FAM50B: variants seen among roughly 807,000 people sequenced by gnomAD.
FAM50B encodes family with sequence similarity 50 member B.
A neutral mutation model predicts 25.4 loss-of-function variants in FAM50B; 9 were observed. The observed-to-expected ratio is 0.35, with a 90% CI of 0.21 to 0.62. FAM50B has a LOEUF of 0.62. Among genes scored for constraint, FAM50B ranks in the 20% least tolerant of loss-of-function variants. FAM50B has a pLI of 0.73. For synonymous variants in FAM50B, 212 were observed against 204.3 expected (o/e 1.04, Z -0.32); for missense variants, 372 against 477.9 (o/e 0.78, Z 2.07).
the FAM50B span, among the ~76,000 whole-genome samples, chr6:3,840,053 C>A: frequency 1.3e-5 from 2 of 151,656 alleles, no homozygotes; most frequent in Middle Eastern, 3.4e-3. Flanking sequence ...AGTGCAGTGG[C>A]GCGATCTCGG....
rs1285685589 is a variant in FAM50B, at chr6:3,851,195, C to G, written c.*406C>G. 1 of 210,194 alleles carries G rather than the reference C, an allele frequency of 4.8e-6. No individual in the cohort carries two copies. The highest frequency in any genetic ancestry group is 1.1e-5 in the Non-Finnish European group (1 of 94,840). 13.0% of individuals were successfully genotyped at this position (210,194 alleles called of 1,614,324 possible). On this transcript the variant is annotated 3_prime_UTR_variant, in exon 2 of 2. Transcript: ENST00000648326. ...GGGTAAGCTTATTAAACCCCCATGC[C>G]TCAGTTTGGTCACCTGTAAAAGGAA...
chr6:3,834,710 TTAACAA>T, the FAM50B span, among the ~76,000 whole-genome samples: 889 of 152,180 alleles, frequency 5.8e-3, 7 homozygotes, highest in African/African-American at 0.021. Context: ...AAACAAATGT[TTAACAA>T]TAAAAAACTG....
At chr6:3,836,127 G>A in the FAM50B span, among the ~76,000 whole-genome samples, 1 of 152,104 alleles carries the variant, frequency 6.6e-6, no homozygotes, top group Non-Finnish European at 1.5e-5. Flanking sequence ...GCCAGACCCT[G>A]CAGCAGAAAA....
chr6:3,839,986 G>GTTGTTGT, the FAM50B span, among the ~76,000 whole-genome samples: 1 of 147,606 alleles, frequency 6.8e-6, no homozygotes, highest in Non-Finnish European at 1.5e-5. Context: ...TGTTGTTGTT[G>GTTGTTGT]TTGTTTGTTT....
At chr6:3,836,912 A>G in the FAM50B span, among the ~76,000 whole-genome samples, 2 of 152,188 alleles carry the variant, frequency 1.3e-5, no homozygotes, top group African/African-American at 4.8e-5. Flanking sequence ...GAAGGGTAAT[A>G]ATCCTCTGCC....
chr6:3,850,115 G>C lies in FAM50B; in HGVS notation c.304G>C (p.Glu102Gln). The change falls in exon 2 of 2, where the codon GAG becomes CAG. Residue 102 changes from glutamate (E) to glutamine (Q), a missense_variant. By Grantham distance (29) the Glu-to-Gln change is conservative. Coordinates refer to ENST00000648326, the MANE Select transcript of FAM50B (RefSeq NM_012135.3). Reference sequence around the variant, plus strand: ...CCTGGAGGAGCAGCGGCTGCAGCAGGAGCGGCAGCGGGAGCAGGAGCAGCG... The same window carrying C: ...CCTGGAGGAGCAGCGGCTGCAGCAGCAGCGGCAGCGGGAGCAGGAGCAGCG... ...QHLEEQRLQQ[E>Q]RQREQEQRRE... 6.2e-7 allele frequency: 1 copy of C among 1,609,684 alleles called. No individual in the cohort carries two copies. Among genetic ancestry groups the C allele is most frequent in the Non-Finnish European group, 8.5e-7 (1 of 1,178,490 alleles).
the FAM50B span, among the ~76,000 whole-genome samples, chr6:3,834,768 C>T: frequency 5.9e-5 from 9 of 152,046 alleles, no homozygotes; most frequent in Non-Finnish European, 7.4e-5. Flanking sequence ...AAATATATAT[C>T]GGAACCATTA....
At chr6:3,846,136 G>C (rs1762118770), upstream of FAM50B, among the ~76,000 whole-genome samples, 2 of 152,100 alleles carry the variant, frequency 1.3e-5, no homozygotes, top group Admixed American at 6.6e-5. Flanking sequence ...TGTTACAAGG[G>C]AAGTTGGAGT....
the FAM50B span, among the ~76,000 whole-genome samples, chr6:3,837,314 A>G: frequency 2.0e-5 from 3 of 152,248 alleles, no homozygotes; most frequent in Non-Finnish European, 4.4e-5. Flanking sequence ...ATTATTGCAA[A>G]TCACATGCCT....
At chr6:3,832,160 T>C in the FAM50B span, 10 of 152,326 alleles carry the variant, frequency 6.6e-5, no homozygotes, top group African/African-American at 2.4e-4. Flanking sequence ...GTAATGAACC[T>C]TTCAGTAAAA....
At position 3,850,655 on chromosome 6, in the gene FAM50B, A is replaced by G. The variant is rs1762204772; in HGVS notation, c.844A>G (p.Met282Val). The change falls in exon 2 of 2, where the codon ATG (methionine) becomes GTG (valine). Residue 282 changes from methionine (M) to valine (V), a missense_variant. Coordinates refer to ENST00000648326, the MANE Select transcript of FAM50B (RefSeq NM_012135.3). Reference sequence around the variant, plus strand: ...CGTGCGCCTGCTCAGCGACGCCACCATGGAGAAGGACGAGTCGCACGCGGG... The same window carrying G: ...CGTGCGCCTGCTCAGCGACGCCACCGTGGAGAAGGACGAGTCGCACGCGGG... ...DDVRLLSDATMEKDESHAGKV... is the reference protein window; with the variant it reads ...DDVRLLSDATVEKDESHAGKV... 2 of 1,614,128 alleles carry G rather than the reference A, an allele frequency of 1.2e-6. No individual in the cohort carries two copies. Among genetic ancestry groups the G allele is most frequent in the Admixed American group, 1.7e-5 (1 of 60,034 alleles).
the FAM50B span, among the ~76,000 whole-genome samples, chr6:3,833,451 A>G: frequency 6.6e-6 from 1 of 152,150 alleles, no homozygotes; most frequent in Non-Finnish European, 1.5e-5. Context: ...GCATTTGCTC[A>G]TTTCAGCACT....
the FAM50B span, among the ~76,000 whole-genome samples, chr6:3,843,158 C>T: frequency 6.6e-6 from 1 of 152,162 alleles, no homozygotes; most frequent in African/African-American, 2.4e-5. Flanking sequence ...TTCAATCTAT[C>T]ATATGAAAAA....
Position 3,851,068 on chromosome 6 carries a change from A to C in FAM50B, c.*279A>C, listed in dbSNP as rs1054870713. 1 of 440,758 alleles carries C rather than the reference A, an allele frequency of 2.3e-6. No homozygotes were observed. The highest frequency in any genetic ancestry group is 4.2e-6 in the Non-Finnish European group (1 of 238,936). 27.3% of individuals were successfully genotyped at this position (440,758 alleles called of 1,614,324 possible). ...GGCCCACTGTCAGACAGAAATTAGAATAGGAGGCACATTTTTTACCTGGTG... is the reference window on the plus strand; with the variant it reads ...GGCCCACTGTCAGACAGAAATTAGACTAGGAGGCACATTTTTTACCTGGTG... On this transcript the variant is annotated 3_prime_UTR_variant, in exon 2 of 2. Transcript: ENST00000648326.
At chr6:3,841,142 A>G in the FAM50B span, among the ~76,000 whole-genome samples, 1 of 152,254 alleles carries the variant, frequency 6.6e-6, no homozygotes, top group African/African-American at 2.4e-5. Context: ...AGGAGCCGCA[A>G]CAAGAATTGT....
At position 3,849,807 on chromosome 6, in the gene FAM50B, G is replaced by T. The variant is rs1214097740; in HGVS notation, c.-5G>T. On this transcript the variant is annotated 5_prime_UTR_variant, in exon 2 of 2. Transcript: ENST00000648326. ...GCTGCAGAGCCCATCGGGTAGGCGC[G>T]GGCCATGGCGCAGTACAAGGGCACC... 1 of 1,597,416 alleles carries T rather than the reference G, an allele frequency of 6.3e-7. No homozygotes were observed. The highest frequency in any genetic ancestry group is 1.1e-5 in the South Asian group (1 of 90,082).
Position 3,850,274 on chromosome 6 carries a change from GA to G in FAM50B, c.464del (p.Asp155AlafsTer26). On this transcript the variant is annotated frameshift_variant, in exon 2 of 2. Transcript: ENST00000648326. LOFTEE classifies it high-confidence loss of function. ...CGACGTGGACACCAGCTTCCTGCCA[GA>G]CCGCGACCGCGAGGAGGAGGAGAAC... is the stretch of plus-strand genomic sequence containing the variant. ...NPDVDTSFLP[D>X]RDREEEENRL... The G allele has an allele frequency of 6.2e-7, 1 of 1,613,032 alleles. No homozygotes were observed. The highest frequency in any genetic ancestry group is 8.5e-7 in the Non-Finnish European group (1 of 1,179,738).
In FAM50B at chr6:3,850,334, G is replaced by A; in HGVS notation, c.523G>A (p.Ala175Thr). ...AGAGGAGCTGCGCCAAGAGTGGGAG[G>A]CGCAGCGCGAGAAAGTGAAGGACGA... ...LREELRQEWE[A>T]QREKVKDEEM... Residue 175 changes from alanine to threonine, a missense_variant, in exon 2 of 2, where the codon GCG becomes ACG. Ala to Thr is a moderately conservative substitution (Grantham distance 58). Coordinates refer to ENST00000648326, the MANE Select transcript of FAM50B (RefSeq NM_012135.3). 1 of 1,613,322 alleles carries A rather than the reference G, an allele frequency of 6.2e-7. No homozygotes were observed. Among genetic ancestry groups the A allele is most frequent in the South Asian group, 1.1e-5 (1 of 91,088 alleles).
chr6:3,838,348 A>G, the FAM50B span, among the ~76,000 whole-genome samples: 1 of 152,110 alleles, frequency 6.6e-6, no homozygotes, highest in African/African-American at 2.4e-5. Context: ...ACTGGAAAGA[A>G]TGTCCATCAA....
Sources: allele counts gnomAD v4.1 joint callset (sites outside exome capture counted in the v4.1 genomes callset), GRCh38; gene constraint gnomAD v4.1.1; transcripts MANE v1.5; gene names NCBI Gene and HGNC (gene_info 2026-07-23, HGNC 2026-07-21).